The following EXOC4 variants were observed in gnomAD, a reference collection of about 807,000 sequenced individuals.
EXOC4 encodes the protein SEC8-like 1.
A neutral mutation model predicts 107.2 loss-of-function variants in EXOC4; 71 were observed. The ratio of observed to expected loss-of-function variants is 0.66; its 90% CI spans 0.55 to 0.81. The LOEUF is 0.81. Ranked by LOEUF, EXOC4 falls within the 30% of genes least tolerant of loss-of-function variation. The probability of loss-of-function intolerance (pLI) is 0.00; values close to 1 mark genes in which losing one functional copy is unlikely to be tolerated. For synonymous variants in EXOC4, 456 were observed against 441.2 expected, an observed-to-expected ratio of 1.03 and a Z score of -0.42; for missense variants, 1,108 against 1,189.6, an observed-to-expected ratio of 0.93 and a Z score of 1.01.
intron 9 of EXOC4, among the ~76,000 whole-genome samples, chr7:133,609,802 C>T (rs1802036436): frequency 6.6e-6 from 1 of 152,200 alleles, no homozygotes; most frequent in Admixed American, 6.5e-5. Context: ...CTTTCAGTGA[C>T]ATCATGTTGG....
intron 14 of EXOC4, among the ~76,000 whole-genome samples, chr7:133,941,850 T>TCTCTCTCTCTCTCTCC (rs1800438313): frequency 6.6e-6 from 1 of 151,886 alleles, no homozygotes; most frequent in African/African-American, 2.4e-5. Context: ...TCTCTCTCTC[T>TCTCTCTCTCTCTCTCC]CGGATCTAAG....
At chr7:133,877,867 A>G (rs1440198607) in intron 11 of EXOC4, among the ~76,000 whole-genome samples, 1 of 151,974 alleles carries the variant, frequency 6.6e-6, no homozygotes, top group African/African-American at 2.4e-5. Context: ...GTCTTCCAAA[A>G]CTCCAAATTC....
chr7:133,813,847 C>T (rs551141090), intron 10 of EXOC4, among the ~76,000 whole-genome samples: 2 of 152,106 alleles, frequency 1.3e-5, no homozygotes, highest in South Asian at 4.2e-4. Context: ...CATCTTCATC[C>T]CCCCACCACA....
intron 11 of EXOC4, among the ~76,000 whole-genome samples, chr7:133,855,211 G>A (rs1174003769): frequency 2.1e-5 from 3 of 141,880 alleles, no homozygotes; most frequent in East Asian, 2.1e-4. Flanking sequence ...TTTCATGTAC[G>A]GCTTACCCCA....
At chr7:133,519,686 A>G (rs1286673382) in intron 9 of EXOC4, among the ~76,000 whole-genome samples, 1 of 152,192 alleles carries the variant, frequency 6.6e-6, no homozygotes, top group Non-Finnish European at 1.5e-5. Context: ...GTACAACCTA[A>G]TTAGCCTCCA....
the EXOC4 span, among the ~76,000 whole-genome samples, chr7:134,080,399 ATAT>A: frequency 6.8e-6 from 1 of 147,530 alleles, no homozygotes; most frequent in Non-Finnish European, 1.5e-5. Flanking sequence ...CGAGTAGGAG[ATAT>A]TAATAAGTTT....
chr7:133,471,198 G>A lies in EXOC4; in HGVS notation c.1183-4130G>A, dbSNP rs946597777. Among the ~76,000 whole-genome samples, 6 of 152,074 alleles carry A rather than the reference G, an allele frequency of 3.9e-5. No individual in the cohort carries two copies. In the South Asian group the frequency reaches 1.0e-3, roughly 26 times the overall value. On this transcript the variant is annotated intron_variant, in intron 7 of 17. Transcript: ENST00000253861. ...AGGCTGAGGCAGGCAGATAACCTGA[G>A]ATCAGGAGTTCAAGACCAGCCTGGC... is the stretch of plus-strand genomic sequence containing the variant.
At chr7:133,815,372 CAAAA>C (rs531468167) in intron 10 of EXOC4, among the ~76,000 whole-genome samples, 2 of 69,562 alleles carry the variant, frequency 2.9e-5, no homozygotes, top group Non-Finnish European at 6.7e-5. Context: ...AAGACTGCTT[CAAAA>C]AAAAAAAAAA....
intron 10 of EXOC4, among the ~76,000 whole-genome samples, chr7:133,634,674 A>G (rs12707110): frequency 0.4 from 61,376 of 151,746 alleles, 12,766 homozygotes; most frequent in South Asian, 0.53. Flanking sequence ...TAGTAGAGAC[A>G]GGGATTCGCC....
chr7:133,434,983 G>C (rs529850955), intron 7 of EXOC4, among the ~76,000 whole-genome samples: 1 of 152,164 alleles, frequency 6.6e-6, no homozygotes. Context: ...CTGATTTTCA[G>C]TGTGGCTTAA....
intron 10 of EXOC4, among the ~76,000 whole-genome samples, chr7:133,739,405 A>G (rs143327248): frequency 5.3e-5 from 8 of 152,300 alleles, no homozygotes; most frequent in Non-Finnish European, 1.0e-4. Flanking sequence ...GAGGGATCAT[A>G]AAGTCAGGGA....
chr7:133,342,014 G>T (rs935901745), intron 5 of EXOC4, among the ~76,000 whole-genome samples: 2 of 151,758 alleles, frequency 1.3e-5, no homozygotes, highest in Non-Finnish European at 2.9e-5. Flanking sequence ...TACGTGGAGC[G>T]TTTAGGCCAT....
intron 13 of EXOC4, among the ~76,000 whole-genome samples, chr7:133,934,249 A>G (rs543973480): frequency 2.1e-4 from 32 of 152,296 alleles, no homozygotes; most frequent in Admixed American, 1.8e-3. Context: ...TCTAACACAT[A>G]AAAACCTTCC....
intron 9 of EXOC4, among the ~76,000 whole-genome samples, chr7:133,601,380 T>C (rs891593851): frequency 2.6e-5 from 4 of 152,064 alleles, no homozygotes; most frequent in African/African-American, 9.7e-5. Context: ...TATATATTTA[T>C]ATATATATTT....
At chr7:133,711,895 G>A (rs927381750) in intron 10 of EXOC4, among the ~76,000 whole-genome samples, 32 of 151,890 alleles carry the variant, frequency 2.1e-4, no homozygotes, top group African/African-American at 7.7e-4. Flanking sequence ...GCCCATTTTG[G>A]ATTTATTTTT....
intron 6 of EXOC4, among the ~76,000 whole-genome samples, chr7:133,373,049 T>A (rs578044613): frequency 2.0e-5 from 3 of 152,174 alleles, no homozygotes; most frequent in East Asian, 1.9e-4. Context: ...AGAACTACAG[T>A]CTTACATACC....
At chr7:133,522,949 T>C (rs1035942382) in intron 9 of EXOC4, among the ~76,000 whole-genome samples, 4 of 152,176 alleles carry the variant, frequency 2.6e-5, no homozygotes, top group African/African-American at 9.7e-5. Flanking sequence ...TTGAAGGGCA[T>C]GGGCAATACT....
At chr7:133,574,599 T>G (rs145453784) in intron 9 of EXOC4, among the ~76,000 whole-genome samples, 2 of 152,366 alleles carry the variant, frequency 1.3e-5, no homozygotes, top group African/African-American at 2.4e-5. Flanking sequence ...CTGCAACCAC[T>G]GATAGCTGCC....
chr7:133,361,748 G>T (rs1053915151), intron 6 of EXOC4, among the ~76,000 whole-genome samples: 3 of 152,088 alleles, frequency 2.0e-5, no homozygotes, highest in African/African-American at 7.2e-5. Context: ...CTTTTCGTTT[G>T]TATAAAAGTA....
Sources: gnomAD v4.1 joint callset for allele counts (sites outside exome capture counted in the v4.1 genomes callset) on GRCh38, gnomAD v4.1.1 for gene constraint, MANE v1.5 for transcripts, NCBI Gene and HGNC (gene_info 2026-07-23, HGNC 2026-07-21) for gene names.